The following GPC6 variants were observed in gnomAD, a reference collection of about 807,000 sequenced individuals.
GPC6 encodes glypican 6, also known as glypican-6.
GPC6 carries 14 observed loss-of-function variants against 55.2 expected under a neutral mutation model. The observed-to-expected ratio is 0.25, with a 90% CI of 0.17 to 0.40. The LOEUF is 0.40. GPC6 is among the 10% of genes least tolerant of loss of function. The pLI, the probability that GPC6 is intolerant of heterozygous loss-of-function variation, is 1.00. For synonymous variants in GPC6, 278 were observed against 259.6 expected (o/e 1.07, Z -0.68); for missense variants, 641 against 708.5 (o/e 0.90, Z 1.08).
intron 2 of GPC6, among the ~76,000 whole-genome samples, chr13:93,731,414 T>C (rs531650427): frequency 2.6e-5 from 4 of 152,122 alleles, no homozygotes; most frequent in Non-Finnish European, 5.9e-5. Context: ...GCACCTAGCT[T>C]CTGAATGGAA....
chr13:93,505,821 G>C (rs780777049), intron 1 of GPC6, among the ~76,000 whole-genome samples: 4 of 152,150 alleles, frequency 2.6e-5, no homozygotes, highest in Non-Finnish European at 4.4e-5. Context: ...CTCTGCACAG[G>C]TTAGTGAATG....
chr13:93,398,128 A>G (rs1320994517), intron 1 of GPC6, among the ~76,000 whole-genome samples: 2 of 152,194 alleles, frequency 1.3e-5, no homozygotes, highest in Non-Finnish European at 2.9e-5. Flanking sequence ...AACACACTGG[A>G]GCATGGAGTG....
chr13:93,648,649 G>T (rs1251480514), intron 2 of GPC6, among the ~76,000 whole-genome samples: 1 of 152,160 alleles, frequency 6.6e-6, no homozygotes, highest in East Asian at 1.9e-4. Flanking sequence ...TAAGATTATT[G>T]TATTAACTTC....
chr13:93,328,421 C>G (rs1879729821), intron 1 of GPC6, among the ~76,000 whole-genome samples: 1 of 152,110 alleles, frequency 6.6e-6, no homozygotes, highest in African/African-American at 2.4e-5. Flanking sequence ...CTCCTGTAAT[C>G]TTAGCATTTT....
intron 1 of GPC6, among the ~76,000 whole-genome samples, chr13:93,261,215 C>A (rs1354508005): frequency 6.6e-6 from 1 of 152,094 alleles, no homozygotes; most frequent in East Asian, 1.9e-4. Context: ...GCTTGAGGGG[C>A]ACAGGTTTTA....
chr13:93,499,771 A>G (rs948049489), intron 1 of GPC6, among the ~76,000 whole-genome samples: 1 of 152,160 alleles, frequency 6.6e-6, no homozygotes, highest in Non-Finnish European at 1.5e-5. Context: ...TATATCTCTC[A>G]TTATTTATGA....
chr13:93,398,654 A>G (rs182239474), intron 1 of GPC6, among the ~76,000 whole-genome samples: 27 of 152,250 alleles, frequency 1.8e-4, no homozygotes, highest in African/African-American at 6.5e-4. Flanking sequence ...CATGCACTGA[A>G]CACTTGCTAT....
chr13:93,985,478 A>G (rs747675896), intron 3 of GPC6, among the ~76,000 whole-genome samples: 1 of 151,450 alleles, frequency 6.6e-6, no homozygotes, highest in Non-Finnish European at 1.5e-5. Context: ...AGGGCAACAA[A>G]GCGACACCAC....
At chr13:93,417,068 A>G (rs919128272) in intron 1 of GPC6, among the ~76,000 whole-genome samples, 1 of 152,054 alleles carries the variant, frequency 6.6e-6, no homozygotes, top group Non-Finnish European at 1.5e-5. Context: ...CTCTGTTTTT[A>G]TTGTGTCTGT....
At position 93,606,198 on chromosome 13, in the gene GPC6, G is replaced by T. The variant is rs142836013; in HGVS notation, c.319+60777G>T. Among the ~76,000 whole-genome samples, 243 of 152,252 alleles carry T rather than the reference G, an allele frequency of 1.6e-3. 1 individual carries two copies. The highest frequency in any genetic ancestry group is 5.7e-3 in the African/African-American group (238 of 41,552). On this transcript the variant is annotated intron_variant, in intron 2 of 8. Coordinates refer to ENST00000377047, the MANE Select transcript of GPC6 (RefSeq NM_005708.5). The stretch of plus-strand genomic sequence containing the variant: ...ATTTTAAGGGGAATATCAATAAAAT[G>T]GAATGTAGAATGAGTGCACGGACAA...
intron 2 of GPC6, among the ~76,000 whole-genome samples, chr13:93,651,186 A>G (rs552292618): frequency 2.0e-5 from 3 of 152,302 alleles, no homozygotes; most frequent in South Asian, 2.1e-4. Flanking sequence ...GATTATTAAA[A>G]TTGTTATTAA....
chr13:93,698,197 A>G (rs192021453), intron 2 of GPC6, among the ~76,000 whole-genome samples: 205 of 152,156 alleles, frequency 1.3e-3, no homozygotes, highest in African/African-American at 4.8e-3. Flanking sequence ...TATGCTTTGG[A>G]TGACACAACT....
chr13:93,649,242 C>T (rs946649135), intron 2 of GPC6, among the ~76,000 whole-genome samples: 3 of 152,086 alleles, frequency 2.0e-5, no homozygotes, highest in Non-Finnish European at 4.4e-5. Flanking sequence ...CTTGAGCTCA[C>T]GAGTTCGAGA....
At chr13:93,441,957 C>A (rs1877820638) in intron 1 of GPC6, among the ~76,000 whole-genome samples, 1 of 152,124 alleles carries the variant, frequency 6.6e-6, no homozygotes, top group South Asian at 2.1e-4. Context: ...TGGAATCAAT[C>A]CAGGACAGCT....
At chr13:93,404,188 G>T (rs1876199128) in intron 1 of GPC6, among the ~76,000 whole-genome samples, 1 of 152,000 alleles carries the variant, frequency 6.6e-6, no homozygotes. Flanking sequence ...AACCTCAAGA[G>T]ACTAAAAAAT....
chr13:93,275,019 T>G (rs1877677677), intron 1 of GPC6, among the ~76,000 whole-genome samples: 1 of 152,162 alleles, frequency 6.6e-6, no homozygotes, highest in Non-Finnish European at 1.5e-5. Context: ...ATATCAAAAA[T>G]TGTGAGTGCA....
chr13:94,292,361 G>C (rs1875032865), intron 5 of GPC6, among the ~76,000 whole-genome samples: 1 of 152,178 alleles, frequency 6.6e-6, no homozygotes, highest in Non-Finnish European at 1.5e-5. Flanking sequence ...TTAGGAGAAA[G>C]TTCAACAGCC....
rs576245565 is a variant in GPC6, at chr13:93,253,893, T to C, written c.160+26277T>C. 6.6e-5 allele frequency among the ~76,000 whole-genome samples: 10 copies of C among 152,322 alleles called. No individual in the cohort carries two copies. In the South Asian group the frequency reaches 2.1e-3, roughly 32 times the overall value. On this transcript the variant is annotated intron_variant, in intron 1 of 8. Transcript: ENST00000377047. The stretch of plus-strand genomic sequence containing the variant: ...ATACTTCCCATAGTTTGAATAAAAT[T>C]TCTAGAGAAATGTTAGGAAAATAAT...
intron 1 of GPC6, among the ~76,000 whole-genome samples, chr13:93,374,878 T>G (rs562452628): frequency 1.3e-5 from 2 of 152,286 alleles, no homozygotes; most frequent in South Asian, 2.1e-4. Flanking sequence ...AAATATAACA[T>G]TTTTTCTTAT....
Sources: allele counts gnomAD v4.1 joint callset (sites outside exome capture counted in the v4.1 genomes callset), GRCh38; gene constraint gnomAD v4.1.1; transcripts MANE v1.5; gene names NCBI Gene and HGNC (gene_info 2026-07-23, HGNC 2026-07-21).